The following NELFB variants were observed in gnomAD, a reference collection of about 807,000 sequenced individuals.
NELFB encodes negative elongation factor complex member B.
NELFB carries 34 observed loss-of-function variants against 60.2 expected under a neutral mutation model. The ratio of observed to expected loss-of-function variants is 0.56; its 90% CI spans 0.43 to 0.75. The LOEUF (loss-of-function observed/expected upper bound fraction) is 0.75, where lower values mean the gene tolerates loss of function less well. Ranked by LOEUF, NELFB falls within the 30% of genes least tolerant of loss-of-function variation. The pLI, the probability that NELFB is intolerant of heterozygous loss-of-function variation, is 0.00. For synonymous variants in NELFB, 459 were observed against 382.1 expected (o/e 1.20, Z -2.35); for missense variants, 770 against 831.6 (o/e 0.93, Z 0.91).
In NELFB at chr9:137,255,575, C is replaced by T. The variant is rs1837537049; in HGVS notation, c.210C>T (p.Asn70=). 1 of 1,549,882 alleles carries T rather than the reference C, an allele frequency of 6.5e-7. No individual in the cohort carries two copies. Among genetic ancestry groups the T allele is most frequent in the Non-Finnish European group, 8.7e-7 (1 of 1,147,094 alleles). ...AGGACCTGAAGGAGACCCTGACCAA[C>T]TGCACGGAGCCGCTCAAGGCCATCG... Residue 70 remains asparagine, a synonymous_variant, in exon 1 of 13, where the codon AAC becomes AAT. Transcript: ENST00000343053.
intron 10 of NELFB, 97 bp downstream of exon 10, chr9:137,267,443 G>A: frequency 9.8e-7 from 1 of 1,024,902 alleles, no homozygotes; most frequent in Non-Finnish European, 1.4e-6. Flanking sequence ...CCCAGGAGCT[G>A]CCTTGTCTCC....
intron 10 of NELFB, 116 bp downstream of exon 10, chr9:137,267,462 C>A (rs1830535557): frequency 5.5e-6 from 4 of 730,118 alleles, no homozygotes; most frequent in Non-Finnish European, 8.8e-6. Flanking sequence ...CCCCAGCCCA[C>A]CTCCAACTTT....
chr9:137,263,369 C>T, intron 5 of NELFB, 147 bp downstream of exon 5: 4 of 584,552 alleles, frequency 6.8e-6, no homozygotes, highest in Non-Finnish European at 8.5e-6. Flanking sequence ...CTCCTTCTCC[C>T]TTCTCCCCCG....
intron 5 of NELFB, 117 bp downstream of exon 5, chr9:137,263,339 G>A: frequency 2.3e-6 from 2 of 881,736 alleles, no homozygotes; most frequent in South Asian, 3.4e-5. Context: ...CCTGAAGGTA[G>A]CGCTGCCCTC....
At chr9:137,260,451 T>A (rs1378636030) in intron 4 of NELFB, among the ~76,000 whole-genome samples, 5 of 121,706 alleles carry the variant, frequency 4.1e-5, no homozygotes, top group African/African-American at 1.4e-4. Flanking sequence ...TATTTTAGTT[T>A]GTTTTATTTT....
intron 3 of NELFB, among the ~76,000 whole-genome samples, 181 bp downstream of exon 3, chr9:137,256,609 G>A (rs988936506): frequency 6.6e-5 from 10 of 152,210 alleles, no homozygotes; most frequent in African/African-American, 2.4e-4. Flanking sequence ...CCGAACCTTA[G>A]CACTGGAGTT....
intron 3 of NELFB, 144 bp from the exon 4 acceptor site, chr9:137,256,680 T>TGG (rs1837557297): frequency 1.3e-6 from 1 of 785,008 alleles, no homozygotes; most frequent in African/African-American, 1.7e-5. Flanking sequence ...TCTGACATGC[T>TGG]GGGGCCGGGG....
intron 7 of NELFB, 88 bp from the exon 8 acceptor site, chr9:137,266,243 A>T: frequency 5.1e-6 from 6 of 1,180,834 alleles, no homozygotes; most frequent in Non-Finnish European, 1.2e-6. Context: ...GGCACCAGAG[A>T]TCCTGCTGAG....
chr9:137,257,585 C>T (rs1042981371), intron 4 of NELFB, among the ~76,000 whole-genome samples: 11 of 148,576 alleles, frequency 7.4e-5, no homozygotes, highest in African/African-American at 2.7e-4. Context: ...TCACTGCGAC[C>T]TCCGCCTCCC....
At position 137,255,405 on chromosome 9, in the gene NELFB, G is replaced by A; in HGVS notation, c.40G>A (p.Gly14Ser). 3 of 925,830 alleles carry A rather than the reference G, an allele frequency of 3.2e-6. No homozygotes were observed. The highest frequency in any genetic ancestry group is 3.7e-4 in the Middle Eastern group (1 of 2,684). The allele number at this position is 925,830 out of a possible 1,614,324, so 57.4% of individuals were successfully genotyped here. A position where few individuals can be genotyped will look rare whatever the true frequency, so the allele number is the denominator to read the frequency against. Reference sequence around the variant, plus strand: ...GGGCGCCGGGGAGCGGGGCTCGGGCGGTCCCCGAGGCCCGGCGGAGCGGGC... The same window carrying A: ...GGGCGCCGGGGAGCGGGGCTCGGGCAGTCCCCGAGGCCCGGCGGAGCGGGC... The change falls in exon 1 of 13, where the codon GGT (glycine) becomes AGT (serine). Residue 14 changes from glycine to serine, a missense_variant. By Grantham distance (56) the Gly-to-Ser change is moderately conservative. Coordinates refer to ENST00000343053, the MANE Select transcript of NELFB (RefSeq NM_015456.5).
intron 2 of NELFB, 100 bp from the exon 3 acceptor site, chr9:137,256,229 G>GTTA: frequency 7.3e-7 from 1 of 1,370,828 alleles, no homozygotes; most frequent in East Asian, 2.3e-5. Flanking sequence ...TGTCCTGGGC[G>GTTA]TGGAGGCTTG....
intron 5 of NELFB, 112 bp from the exon 6 acceptor site, chr9:137,264,133 C>A (rs542127874): frequency 3.9e-6 from 3 of 762,284 alleles, no homozygotes; most frequent in Admixed American, 2.4e-5. Flanking sequence ...TGCCGCCCCC[C>A]GCAGCAGCTA....
intron 10 of NELFB, among the ~76,000 whole-genome samples, chr9:137,267,604 G>C (rs532162134): frequency 4.0e-4 from 59 of 148,754 alleles, no homozygotes; most frequent in African/African-American, 1.3e-3. Flanking sequence ...GTGATTTCTC[G>C]TGCCTCACCC....
chr9:137,256,507 C>T (rs1837554079), intron 3 of NELFB, 79 bp downstream of exon 3: 4 of 1,281,694 alleles, frequency 3.1e-6, no homozygotes, highest in South Asian at 2.4e-5. Flanking sequence ...GTTCCGGTGG[C>T]CGCCTAGCTC....
At chr9:137,260,383 T>C (rs1194760179) in intron 4 of NELFB, among the ~76,000 whole-genome samples, 1 of 149,094 alleles carries the variant, frequency 6.7e-6, no homozygotes, top group Non-Finnish European at 1.5e-5. Flanking sequence ...ATTTTTAAAA[T>C]TTATTTTTTA....
At chr9:137,258,466 T>G (rs1380760247) in intron 4 of NELFB, among the ~76,000 whole-genome samples, 2 of 150,982 alleles carry the variant, frequency 1.3e-5, no homozygotes, top group Admixed American at 1.3e-4. Flanking sequence ...TTTTTTTTTT[T>G]GAGACAGAGT....
rs1302160417 is a variant in NELFB, at chr9:137,255,546, G to A, written c.181G>A (p.Gly61Ser). The A allele has an allele frequency of 5.8e-6, 9 of 1,547,740 alleles. No individual in the cohort carries two copies. Among genetic ancestry groups the A allele is most frequent in the Non-Finnish European group, 7.9e-6 (9 of 1,146,378 alleles). The stretch of plus-strand genomic sequence containing the variant: ...GCTGCAGGACCTGGGCGTGGCCAAC[G>A]GCGAGGACCTGAAGGAGACCCTGAC... The change falls in exon 1 of 13, where the codon GGC becomes AGC. Residue 61 changes from glycine (G) to serine (S), a missense_variant. Physicochemically the swap from Gly to Ser is moderately conservative, Grantham distance 56 (BLOSUM62 0). Transcript: ENST00000343053.
At chr9:137,266,917 C>T (rs1426422034) in intron 8 of NELFB, 27 bp from the exon 9 acceptor site, 1 of 1,610,688 alleles carries the variant, frequency 6.2e-7, no homozygotes, top group East Asian at 2.2e-5. Context: ...CGGGCCCGCG[C>T]CCGCTCATGG....
chr9:137,265,902 C>G lies in NELFB; in HGVS notation c.1066C>G (p.Pro356Ala). The G allele has an allele frequency of 6.2e-7, 1 of 1,613,130 alleles. No homozygotes were observed. Among genetic ancestry groups the G allele is most frequent in the South Asian group, 1.1e-5 (1 of 91,076 alleles). The change falls in exon 7 of 13, where the codon CCC (proline) becomes GCC (alanine). Residue 356 changes from proline to alanine, a missense_variant. Physicochemically the swap from Pro to Ala is conservative, Grantham distance 27 (BLOSUM62 -1). Transcript: ENST00000343053. ...GGACCTGTCCATGATCCTGTGTGACCCCTTCGCCATCAACACGCTGGCACT... is the reference window on the plus strand; with the variant it reads ...GGACCTGTCCATGATCCTGTGTGACGCCTTCGCCATCAACACGCTGGCACT...
Sources: allele counts gnomAD v4.1 joint callset (sites outside exome capture counted in the v4.1 genomes callset), GRCh38; gene constraint gnomAD v4.1.1; transcripts MANE v1.5; gene names NCBI Gene and HGNC (gene_info 2026-07-23, HGNC 2026-07-21).